The following ADGB variants were observed in gnomAD, a reference collection of about 807,000 sequenced individuals.
ADGB encodes androglobin, also known as calpain-7-like protein.
A neutral mutation model predicts 210.5 loss-of-function variants in ADGB; 172 were observed. The observed-to-expected ratio is 0.82, with a 90% CI of 0.72 to 0.93. The LOEUF is 0.93. Ranked by LOEUF, ADGB falls within the 40% of genes least tolerant of loss-of-function variation. The pLI, the probability that ADGB is intolerant of heterozygous loss-of-function variation, is 0.00. For synonymous variants in ADGB, 658 were observed against 662.7 expected (o/e 0.99, Z 0.11); for missense variants, 2,025 against 1,964.8 (o/e 1.03, Z -0.58).
rs1193486510 is a variant in ADGB, at chr6:146,741,163, A to G, written c.3069A>G (p.Val1023=). The change falls in exon 25 of 36, where the codon GTA becomes GTG. Residue 1023 remains valine, a synonymous_variant. Coordinates refer to ENST00000397944, the MANE Select transcript of ADGB (RefSeq NM_024694.4). ...AAGACATGATTTTGGTTCCCAAAGT[A>G]TATACTACACTTCCAATCTGTATCC... is the stretch of plus-strand genomic sequence containing the variant. ...VHQDMILVPK[V]YTTLPICILH... is the part of the protein sequence containing the mutation. 2.6e-6 allele frequency: 4 copies of G among 1,548,900 alleles called. No individual in the cohort carries two copies. The Admixed American group carries it at 5.9e-5, about 23-fold the overall frequency.
At chr6:146,691,804 T>C (rs1776333713) in intron 11 of ADGB, among the ~76,000 whole-genome samples, 1 of 151,756 alleles carries the variant, frequency 6.6e-6, no homozygotes, top group Non-Finnish European at 1.5e-5. Context: ...AGAAAAGTAG[T>C]TTGTAGCAAA....
At chr6:146,788,107 A>T (rs1777903790) in intron 32 of ADGB, among the ~76,000 whole-genome samples, 1 of 152,158 alleles carries the variant, frequency 6.6e-6, no homozygotes, top group Non-Finnish European at 1.5e-5. Context: ...CAGCATCCCC[A>T]ATAATTCAAA....
chr6:146,751,141 G>A (rs114075766), intron 26 of ADGB, among the ~76,000 whole-genome samples: 1,477 of 123,194 alleles, frequency 0.012, 23 homozygotes, highest in African/African-American at 0.044. Flanking sequence ...CCACCCTCCC[G>A]CAACATGCCC....
At chr6:146,735,229 A>G (rs1471329809) in intron 22 of ADGB, among the ~76,000 whole-genome samples, 1 of 152,138 alleles carries the variant, frequency 6.6e-6, no homozygotes, top group Non-Finnish European at 1.5e-5. Context: ...GTCTTGCTTC[A>G]TTTTGTGCTG....
At chr6:146,724,135 C>T in intron 17 of ADGB, 51 bp from the exon 18 acceptor site, 3 of 1,469,448 alleles carry the variant, frequency 2.0e-6, no homozygotes, top group Non-Finnish European at 2.7e-6. Context: ...CTAGTGAATG[C>T]CAACTACACT....
intron 12 of ADGB, among the ~76,000 whole-genome samples, chr6:146,696,857 T>G (rs73589854): frequency 0.022 from 3,340 of 152,302 alleles, 104 homozygotes; most frequent in African/African-American, 0.075. Flanking sequence ...TCTAATTTTT[T>G]TTCTTGTTTC....
chr6:146,680,375 G>T (rs894019595), intron 9 of ADGB, among the ~76,000 whole-genome samples: 2 of 152,116 alleles, frequency 1.3e-5, no homozygotes, highest in African/African-American at 2.4e-5. Context: ...GGTTCATTTT[G>T]TACTTTATAT....
At chr6:146,633,749 A>G (rs779882016) in intron 1 of ADGB, among the ~76,000 whole-genome samples, 1 of 152,104 alleles carries the variant, frequency 6.6e-6, no homozygotes, top group Non-Finnish European at 1.5e-5. Flanking sequence ...GTACTGTGTT[A>G]TATTTCCCTT....
At chr6:146,760,147 CA>C (rs1053910506) in intron 27 of ADGB, among the ~76,000 whole-genome samples, 12 of 151,812 alleles carry the variant, frequency 7.9e-5, no homozygotes, top group African/African-American at 2.9e-4. Flanking sequence ...TTATATACAG[CA>C]AAAAGTATAA....
intron 29 of ADGB, among the ~76,000 whole-genome samples, chr6:146,776,604 GAAT>G (rs1375539335): frequency 6.6e-6 from 1 of 152,048 alleles, no homozygotes; most frequent in African/African-American, 2.4e-5. Flanking sequence ...ATGTAAACTT[GAAT>G]ATTATATGTG....
intron 3 of ADGB, among the ~76,000 whole-genome samples, chr6:146,651,114 C>T (rs755124634): frequency 4.6e-5 from 7 of 152,304 alleles, no homozygotes; most frequent in South Asian, 4.1e-4. Flanking sequence ...ATGCCATGAA[C>T]GTGAGGGAAG....
chr6:146,652,636 T>A (rs1220691549), intron 3 of ADGB, among the ~76,000 whole-genome samples: 2 of 152,140 alleles, frequency 1.3e-5, no homozygotes, highest in Admixed American at 6.6e-5. Context: ...TATTGGTACC[T>A]GATTTAGAAG....
chr6:146,685,389 G>A (rs1776216970), intron 9 of ADGB, among the ~76,000 whole-genome samples: 1 of 151,986 alleles, frequency 6.6e-6, no homozygotes, highest in South Asian at 2.1e-4. Context: ...GAAAAGAAAT[G>A]CTTCAATTTA....
At chr6:146,773,280 A>AG (rs536561546) in intron 29 of ADGB, among the ~76,000 whole-genome samples, 255 of 115,258 alleles carry the variant, frequency 2.2e-3, no homozygotes, top group African/African-American at 6.6e-3. Context: ...GCATACATAG[A>AG]GAAAAAAAAA....
At chr6:146,636,894 G>A (rs996429784) in intron 2 of ADGB, among the ~76,000 whole-genome samples, 1 of 151,950 alleles carries the variant, frequency 6.6e-6, no homozygotes, top group East Asian at 1.9e-4. Flanking sequence ...GCAGAAGGCC[G>A]CTTCCCTAGA....
chr6:146,747,002 G>A (rs906479019), intron 26 of ADGB, among the ~76,000 whole-genome samples: 6 of 151,998 alleles, frequency 3.9e-5, no homozygotes, highest in African/African-American at 1.5e-4. Context: ...AATATAATTA[G>A]TTGGCTCTGG....
At chr6:146,661,608 T>C (rs1775860347) in intron 5 of ADGB, among the ~76,000 whole-genome samples, 1 of 152,164 alleles carries the variant, frequency 6.6e-6, no homozygotes, top group South Asian at 2.1e-4. Context: ...TATAAAAAAT[T>C]TGAAGACAAG....
intron 1 of ADGB, among the ~76,000 whole-genome samples, chr6:146,622,924 A>G (rs1225801950): frequency 3.3e-5 from 5 of 152,084 alleles, no homozygotes; most frequent in Middle Eastern, 3.4e-3. Context: ...TTGCATATGG[A>G]TATTCAATGT....
rs1776746701 is a variant in ADGB at position 146,717,076 on chromosome 6, A to G, written c.1928+7A>G. 2 of 1,546,504 alleles carry G rather than the reference A, an allele frequency of 1.3e-6. No homozygotes were observed. Among genetic ancestry groups the G allele is most frequent in the Admixed American group, 2.0e-5 (1 of 50,862 alleles). ...ATTTCTGTGTATGCTTTCAGTAAGTATACCAATGGGATCAATCTGACTATG... is the reference window on the plus strand; with the variant it reads ...ATTTCTGTGTATGCTTTCAGTAAGTGTACCAATGGGATCAATCTGACTATG... On this transcript the variant is annotated splice_region_variant and intron_variant, in intron 15 of 35. Coordinates refer to ENST00000397944, the MANE Select transcript of ADGB (RefSeq NM_024694.4).
Sources: gnomAD v4.1 joint callset for allele counts (sites outside exome capture counted in the v4.1 genomes callset) on GRCh38, gnomAD v4.1.1 for gene constraint, MANE v1.5 for transcripts, NCBI Gene and HGNC (gene_info 2026-07-23, HGNC 2026-07-21) for gene names.